ITPR1: variants seen among roughly 807,000 people sequenced by gnomAD.
ITPR1 encodes the protein inositol 1,4,5-trisphosphate receptor type 1, also known as inositol 1,4,5-trisphosphate-gated calcium channel ITPR1.
In ITPR1, 96 loss-of-function variants were observed where a neutral mutation model predicts 318.4. That is an observed-to-expected ratio of 0.30 (90% CI 0.26 to 0.36). ITPR1 has a LOEUF of 0.36. Ranked by LOEUF, ITPR1 falls within the 10% of genes least tolerant of loss-of-function variation. ITPR1 has a pLI of 1.00. For synonymous variants in ITPR1, 1,312 were observed against 1,289.9 expected (o/e 1.02, Z -0.37); for missense variants, 2,440 against 3,460.2 (o/e 0.71, Z 7.40).
intron 4 of ITPR1, among the ~76,000 whole-genome samples, chr3:4,561,884 A>G (rs2086708928): frequency 6.6e-6 from 1 of 152,124 alleles, no homozygotes. Flanking sequence ...CAGGATGGCT[A>G]TTTTTCTTAG....
intron 18 of ITPR1, among the ~76,000 whole-genome samples, chr3:4,668,296 A>C (rs1232878392): frequency 1.4e-5 from 2 of 142,754 alleles, no homozygotes; most frequent in Non-Finnish European, 3.0e-5. Flanking sequence ...TCTGGTAACC[A>C]TCCTTCTACT....
At chr3:4,713,749 G>A (rs993021642) in intron 39 of ITPR1, among the ~76,000 whole-genome samples, 1 of 152,218 alleles carries the variant, frequency 6.6e-6, no homozygotes. Flanking sequence ...CTGGGGTCTA[G>A]CTTAAATCCT....
intron 6 of ITPR1, among the ~76,000 whole-genome samples, chr3:4,640,689 A>G (rs1433183584): frequency 6.6e-6 from 1 of 152,226 alleles, no homozygotes; most frequent in Non-Finnish European, 1.5e-5. Context: ...CTTGCCATGT[A>G]TCACTTTGCT....
chr3:4,834,247 G>T (rs950482824), intron 60 of ITPR1, among the ~76,000 whole-genome samples: 2 of 152,180 alleles, frequency 1.3e-5, no homozygotes, highest in Admixed American at 6.6e-5. Context: ...TAAGCACTTT[G>T]ATGGCAGGAA....
At chr3:4,823,801 C>T (rs759716782) in intron 60 of ITPR1, among the ~76,000 whole-genome samples, 15 of 152,110 alleles carry the variant, frequency 9.9e-5, no homozygotes, top group East Asian at 1.9e-4. Context: ...GGGTGATGGA[C>T]GCCCTAGATA....
intron 18 of ITPR1, among the ~76,000 whole-genome samples, chr3:4,668,130 C>G (rs892000345): frequency 4.0e-5 from 6 of 151,446 alleles, no homozygotes; most frequent in African/African-American, 1.5e-4. Flanking sequence ...CTGTAATTAC[C>G]CCATTTACCT....
chr3:4,784,758 G>A (rs968293545), intron 51 of ITPR1, among the ~76,000 whole-genome samples: 7 of 151,114 alleles, frequency 4.6e-5, no homozygotes, highest in African/African-American at 1.2e-4. Context: ...TTAGCCAGGC[G>A]TGGTGGCACA....
chr3:4,730,154 T>C (rs1215895654), intron 42 of ITPR1, among the ~76,000 whole-genome samples: 3 of 150,496 alleles, frequency 2.0e-5, no homozygotes, highest in Non-Finnish European at 4.4e-5. Flanking sequence ...TTTCCTTTTC[T>C]ATCCCCTCTT....
At chr3:4,643,265 C>G (rs2093378767) in intron 7 of ITPR1, among the ~76,000 whole-genome samples, 1 of 152,158 alleles carries the variant, frequency 6.6e-6, no homozygotes, top group Non-Finnish European at 1.5e-5. Flanking sequence ...TGTATATGCT[C>G]CTCAAATGTG....
chr3:4,748,665 G>A (rs183754083), intron 44 of ITPR1, among the ~76,000 whole-genome samples: 104 of 152,230 alleles, frequency 6.8e-4, no homozygotes, highest in Non-Finnish European at 1.2e-3. Flanking sequence ...TACTATTTCC[G>A]ATTAGTGGAT....
At chr3:4,689,296 G>A (rs1057081008) in intron 31 of ITPR1, among the ~76,000 whole-genome samples, 1 of 139,980 alleles carries the variant, frequency 7.1e-6, no homozygotes. Flanking sequence ...TACTGCAAAG[G>A]ACATCTTTGT....
Position 4,754,053 on chromosome 3 carries a change from G to C in ITPR1, c.5545-12477G>C, listed in dbSNP as rs71634749. On this transcript the variant is annotated intron_variant, in intron 44 of 61. Transcript: ENST00000649015. ...GACTGCACAAACACAGAAAATGGGG[G>C]GGGGGTGGCAAGGATTATTCTTGGC... Among the ~76,000 whole-genome samples, 45 of 146,668 alleles carry C rather than the reference G, an allele frequency of 3.1e-4. No individual in the cohort carries two copies. In the South Asian group the frequency reaches 7.5e-3, roughly 24 times the overall value.
intron 51 of ITPR1, 85 bp from the exon 52 acceptor site, chr3:4,787,862 C>T (rs1204976733): frequency 3.3e-6 from 3 of 908,952 alleles, no homozygotes; most frequent in South Asian, 1.6e-5. Context: ...TCAATCTTGA[C>T]CACCGAGTCT....
At position 4,782,671 on chromosome 3, in the gene ITPR1, G is replaced by C. The variant is rs371303646; in HGVS notation, c.6440G>C (p.Gly2147Ala). The change falls in exon 50 of 62, where the codon GGA becomes GCA. Residue 2147 changes from glycine to alanine, a missense_variant. By Grantham distance (60) the Gly-to-Ala change is moderately conservative. Transcript: ENST00000649015. ...CAAGGTGAAGTGGAATTTGAGGATG[G>C]AGAAAACGGTGAGGATGGGGCGGCG... ...YMQGEVEFED[G>A]ENGEDGAASP... The C allele has an allele frequency of 2.1e-5, 33 of 1,604,830 alleles. No individual in the cohort carries two copies. The highest frequency in any genetic ancestry group is 4.0e-5 in the African/African-American group (3 of 74,570).
intron 26 of ITPR1, 97 bp from the exon 27 acceptor site, chr3:4,683,289 C>A: frequency 1.7e-6 from 2 of 1,189,386 alleles, no homozygotes; most frequent in South Asian, 1.2e-5. Flanking sequence ...GATCACAGTG[C>A]TAGAAATGCA....
At chr3:4,608,861 G>T (rs935171275) in intron 4 of ITPR1, among the ~76,000 whole-genome samples, 2 of 151,316 alleles carry the variant, frequency 1.3e-5, no homozygotes, top group Non-Finnish European at 2.9e-5. Flanking sequence ...AATTAGCCTG[G>T]TGTGGTGGCA....
intron 4 of ITPR1, among the ~76,000 whole-genome samples, chr3:4,577,227 C>T (rs1468678657): frequency 6.6e-6 from 1 of 152,214 alleles, no homozygotes; most frequent in East Asian, 1.9e-4. Context: ...GCTCTCTGTG[C>T]AGCTGCAGTG....
chr3:4,494,391 G>A (rs2080390862), intron 1 of ITPR1, 40 bp from the exon 2 acceptor site: 1 of 152,274 alleles, frequency 6.6e-6, no homozygotes, highest in South Asian at 2.1e-4. Context: ...CTCATCTTCC[G>A]CGGTCTGGTA....
intron 21 of ITPR1, among the ~76,000 whole-genome samples, chr3:4,673,681 C>T (rs1027068047): frequency 7.2e-5 from 11 of 152,140 alleles, no homozygotes; most frequent in Non-Finnish European, 1.3e-4. Context: ...CTCCCGGGTT[C>T]GTGCCATTCT....
Sources: gnomAD v4.1 joint callset for allele counts (sites outside exome capture counted in the v4.1 genomes callset) on GRCh38, gnomAD v4.1.1 for gene constraint, MANE v1.5 for transcripts, NCBI Gene and HGNC (gene_info 2026-07-23, HGNC 2026-07-21) for gene names.